Variants in TBCE observed in about 807,000 individuals in gnomAD.
The protein encoded by TBCE is tubulin folding cofactor E, also known as tubulin-specific chaperone E.
In TBCE, 53 loss-of-function variants were observed where a neutral mutation model predicts 77.0. The observed-to-expected ratio is 0.69, with a 90% CI of 0.55 to 0.87. TBCE has a LOEUF of 0.87. Ranked by LOEUF, TBCE falls within the 40% of genes least tolerant of loss-of-function variation. The probability of loss-of-function intolerance (pLI) is 0.00; values close to 1 mark genes in which losing one functional copy is unlikely to be tolerated. For missense variants in TBCE, 624 were observed against 622.4 expected, an observed-to-expected ratio of 1.00 and a Z score of -0.03; for synonymous variants, 235 against 241.3, an observed-to-expected ratio of 0.97 and a Z score of 0.24.
intron 6 of TBCE, among the ~76,000 whole-genome samples, chr1:235,428,631 C>CTTTATTTTTTA (rs1680881245): frequency 6.8e-6 from 1 of 147,368 alleles, no homozygotes; most frequent in Non-Finnish European, 1.5e-5. Context: ...TTTAAGGACA[C>CTTTATTTTTTA]TTTATTTATT....
chr1:235,373,026 A>G (rs1429251703), intron 1 of TBCE, among the ~76,000 whole-genome samples: 1 of 151,976 alleles, frequency 6.6e-6, no homozygotes, highest in Non-Finnish European at 1.5e-5. Context: ...CTGTATAGAA[A>G]AATGTTTATG....
chr1:235,399,627 C>T (rs756184178), intron 2 of TBCE, among the ~76,000 whole-genome samples: 15 of 152,228 alleles, frequency 9.9e-5, no homozygotes, highest in East Asian at 1.9e-4. Context: ...CCCTGTACCT[C>T]GCCTTAGCAC....
chr1:235,437,089 G>T (rs552714902), intron 11 of TBCE, among the ~76,000 whole-genome samples: 1 of 152,184 alleles, frequency 6.6e-6, no homozygotes, highest in South Asian at 2.1e-4. Context: ...AGATCGCGCC[G>T]TTGCTCTCCA....
intron 3 of TBCE, among the ~76,000 whole-genome samples, chr1:235,404,298 A>G (rs1374182104): frequency 6.7e-6 from 1 of 148,688 alleles, no homozygotes; most frequent in Admixed American, 6.8e-5. Flanking sequence ...AAAATTAAGC[A>G]GTGTGGGGTG....
At position 235,414,546 on chromosome 1, in the gene TBCE, A is replaced by G; in HGVS notation, c.299A>G (p.Lys100Arg). ...GAAGATGGACCAGAGGAAGATAGAA[A>G]AGAGCAAATTGTTACAATTGGAAAT... ...VLEDGPEEDR[K>R]EQIVTIGNKP... The change falls in exon 4 of 17, where the codon AAA (lysine) becomes AGA (arginine). Residue 100 changes from lysine to arginine, a missense_variant. Coordinates refer to ENST00000642610, the MANE Select transcript of TBCE (RefSeq NM_003193.5). 1 of 1,613,914 alleles carries G rather than the reference A, an allele frequency of 6.2e-7. No individual in the cohort carries two copies. Among genetic ancestry groups the G allele is most frequent in the Non-Finnish European group, 8.5e-7 (1 of 1,179,980 alleles).
rs187004621 is a variant in TBCE, at chr1:235,370,401, T to C, written c.-32+2897T>C. ...CCAACTAGCTGTGATTACAGGCGCATGCCACCATGCCTGGCTAATTTTTGT... is the reference window on the plus strand; with the variant it reads ...CCAACTAGCTGTGATTACAGGCGCACGCCACCATGCCTGGCTAATTTTTGT... On this transcript the variant is annotated intron_variant, in intron 1 of 16. Transcript: ENST00000642610. Among the ~76,000 whole-genome samples, 54 of 151,596 alleles carry C rather than the reference T, an allele frequency of 3.6e-4. No individual in the cohort carries two copies. In the East Asian group the frequency reaches 5.5e-3, roughly 15 times the overall value.
chr1:235,403,431 A>G (rs1196298968), intron 3 of TBCE, among the ~76,000 whole-genome samples: 3 of 152,066 alleles, frequency 2.0e-5, no homozygotes, highest in African/African-American at 4.8e-5. Flanking sequence ...ACTGTTCTCG[A>G]ACTCCTGACC....
chr1:235,434,573 C>T (rs1198529985), intron 8 of TBCE, among the ~76,000 whole-genome samples: 1 of 149,050 alleles, frequency 6.7e-6, no homozygotes, highest in Non-Finnish European at 1.5e-5. Context: ...GAGTCTCACT[C>T]TGTCGCCCAG....
chr1:235,382,465 C>T (rs1421478230), intron 2 of TBCE, among the ~76,000 whole-genome samples: 1 of 152,088 alleles, frequency 6.6e-6, no homozygotes, highest in African/African-American at 2.4e-5. Context: ...TCCACATCCT[C>T]TCCAGCACCT....
At chr1:235,442,448 G>A (rs1450270776) in intron 14 of TBCE, among the ~76,000 whole-genome samples, 1 of 152,026 alleles carries the variant, frequency 6.6e-6, no homozygotes, top group Non-Finnish European at 1.5e-5. Flanking sequence ...AGGATTAGCG[G>A]CATGAGCTAC....
intron 2 of TBCE, among the ~76,000 whole-genome samples, chr1:235,393,019 A>G (rs996830667): frequency 6.6e-6 from 1 of 152,038 alleles, no homozygotes; most frequent in Non-Finnish European, 1.5e-5. Flanking sequence ...ATTAATAAAA[A>G]AAAATTCTGC....
chr1:235,369,693 G>A (rs1378653627), intron 1 of TBCE, among the ~76,000 whole-genome samples: 2 of 151,936 alleles, frequency 1.3e-5, no homozygotes, highest in African/African-American at 4.8e-5. Flanking sequence ...CAGGTGTGGT[G>A]GTGTGTGTCT....
chr1:235,428,985 A>ATATATATT (rs1553338383), intron 6 of TBCE: 5 of 102,334 alleles, frequency 4.9e-5, no homozygotes, highest in African/African-American at 2.3e-4. Context: ...ATATATATAT[A>ATATATATT]TTTTTTTTTT....
At chr1:235,392,559 C>G (rs1190555430) in intron 2 of TBCE, among the ~76,000 whole-genome samples, 2 of 151,492 alleles carry the variant, frequency 1.3e-5, no homozygotes, top group East Asian at 3.9e-4. Context: ...TACAGGCACC[C>G]CCCTCCATGC....
rs774822889 is a variant in TBCE, at chr1:235,448,708, G to A, written c.1530G>A (p.Lys510=). The A allele has an allele frequency of 3.1e-6, 5 of 1,614,098 alleles. No individual in the cohort carries two copies. In the Admixed American group the frequency reaches 5.0e-5, roughly 16 times the overall value. Residue 510 remains lysine, a synonymous_variant, in exon 17 of 17, where the codon AAG becomes AAA. Transcript: ENST00000642610. ...AAATCGAGCTGGAAAATGACCTAAAGTCATTACAGTTTTATTCTGTGGAAA... is the reference window on the plus strand; with the variant it reads ...AAATCGAGCTGGAAAATGACCTAAAATCATTACAGTTTTATTCTGTGGAAA... ...GREIELENDL[K]SLQFYSVENG...
intron 2 of TBCE, among the ~76,000 whole-genome samples, chr1:235,384,076 T>C (rs1459718871): frequency 6.1e-4 from 91 of 150,296 alleles, no homozygotes; most frequent in African/African-American, 2.0e-3. Flanking sequence ...GAGATAATCA[T>C]GTGGTTTTTG....
intron 11 of TBCE, 134 bp from the exon 12 acceptor site, chr1:235,437,188 G>T (rs1558389529): frequency 3.9e-6 from 4 of 1,016,910 alleles, no homozygotes; most frequent in African/African-American, 1.6e-5. Context: ...TTCTAGAGGG[G>T]ATTGCTTAGT....
chr1:235,402,802 T>A (rs533983921), intron 3 of TBCE, among the ~76,000 whole-genome samples: 12 of 149,032 alleles, frequency 8.1e-5, no homozygotes, highest in African/African-American at 2.6e-4. Context: ...TTTAAAAAAA[T>A]AAAAATAAAA....
intron 3 of TBCE, among the ~76,000 whole-genome samples, chr1:235,405,141 T>G (rs1285889554): frequency 6.6e-6 from 1 of 151,696 alleles, no homozygotes; most frequent in Non-Finnish European, 1.5e-5. Flanking sequence ...TTTTGTATTT[T>G]TAGTGGAGAC....
Sources: allele counts gnomAD v4.1 joint callset (sites outside exome capture counted in the v4.1 genomes callset), GRCh38; gene constraint gnomAD v4.1.1; transcripts MANE v1.5; gene names NCBI Gene and HGNC (gene_info 2026-07-23, HGNC 2026-07-21).